Variants in GALNT18 observed in about 807,000 individuals in gnomAD.
GALNT18 encodes the protein polypeptide N-acetylgalactosaminyltransferase 18.
Under a neutral mutation model 69.5 loss-of-function variants are expected in GALNT18, and 44 were observed. The observed-to-expected ratio is 0.63, with a 90% CI of 0.50 to 0.81. GALNT18 has a LOEUF of 0.81. GALNT18 is among the 40% of genes least tolerant of loss of function. The pLI is 0.00. For missense variants in GALNT18, 715 were observed against 810.0 expected, an observed-to-expected ratio of 0.88 and a Z score of 1.42; for synonymous variants, 364 against 318.2, an observed-to-expected ratio of 1.14 and a Z score of -1.53.
chr11:11,407,643 G>A lies in GALNT18; in HGVS notation c.595+24978C>T, dbSNP rs34705364. 3.3e-5 allele frequency among the ~76,000 whole-genome samples: 5 copies of A among 152,306 alleles called. No individual in the cohort carries two copies. In the South Asian group the frequency reaches 1.0e-3, roughly 32 times the overall value. On this transcript the variant is annotated intron_variant, in intron 3 of 10. Coordinates refer to ENST00000227756, the MANE Select transcript of GALNT18 (RefSeq NM_198516.3). ...AGGAGAGGAGATATTCCCAGTAACC[G>A]TGTTATCCCAGACAGTCAGGAGGCA...
At chr11:11,537,098 G>T (rs1243722401) in intron 1 of GALNT18, among the ~76,000 whole-genome samples, 1 of 152,128 alleles carries the variant, frequency 6.6e-6, no homozygotes, top group Non-Finnish European at 1.5e-5. Context: ...GCTTTATCCA[G>T]ATCAACTCTG....
In GALNT18 at chr11:11,598,035, C is replaced by A. The variant is rs1370106970; in HGVS notation, c.235+23324G>T. On this transcript the variant is annotated intron_variant, in intron 1 of 10. Transcript: ENST00000227756. The surrounding 1 kb of genome is among the most constrained non-coding windows in gnomAD (Gnocchi z 4.8). ...CATTTTATTGACCTTTTCAAAGAAC[C>A]AACTTTTGGTTTTATTGATCTTCTC... Among the ~76,000 whole-genome samples, 4 of 152,028 alleles carry A rather than the reference C, an allele frequency of 2.6e-5. No homozygotes were observed. Among genetic ancestry groups the A allele is most frequent in the Non-Finnish European group, 5.9e-5 (4 of 68,014 alleles).
intron 6 of GALNT18, among the ~76,000 whole-genome samples, chr11:11,351,148 C>G (rs1271322395): frequency 6.6e-6 from 1 of 152,094 alleles, no homozygotes; most frequent in African/African-American, 2.4e-5. Flanking sequence ...AAGCAGTACC[C>G]CACTAGAGGC....
At chr11:11,609,028 T>A (rs1315345669) in intron 1 of GALNT18, among the ~76,000 whole-genome samples, 1 of 152,216 alleles carries the variant, frequency 6.6e-6, no homozygotes, top group Admixed American at 6.5e-5. Flanking sequence ...TCTTGTTTTG[T>A]CTTCTCAGCC....
intron 1 of GALNT18, among the ~76,000 whole-genome samples, chr11:11,574,983 T>C (rs920456742): frequency 6.6e-6 from 1 of 152,236 alleles, no homozygotes; most frequent in South Asian, 2.1e-4. Context: ...CAGGTTTCTT[T>C]AAGTATTTGG....
intron 1 of GALNT18, among the ~76,000 whole-genome samples, chr11:11,513,932 G>A (rs1020877356): frequency 2.6e-5 from 4 of 152,172 alleles, no homozygotes; most frequent in African/African-American, 7.2e-5. Flanking sequence ...AATGGGTCAC[G>A]GGTGGAAAAT....
intron 6 of GALNT18, among the ~76,000 whole-genome samples, chr11:11,367,615 A>T (rs978419949): frequency 6.6e-6 from 1 of 152,168 alleles, no homozygotes; most frequent in African/African-American, 2.4e-5. Flanking sequence ...CTGTGGTTGT[A>T]GTGGCATTCT....
At position 11,391,993 on chromosome 11, in the gene GALNT18, T is replaced by C. The variant is rs139265937; in HGVS notation, c.596-12729A>G. ...AATATGCATTGCAAGAATGAATGAGTGCATGAGTCATGTCTTGGCTCAACG... is the reference window on the plus strand; with the variant it reads ...AATATGCATTGCAAGAATGAATGAGCGCATGAGTCATGTCTTGGCTCAACG... On this transcript the variant is annotated intron_variant, in intron 3 of 10. Transcript: ENST00000227756. 5.1e-3 allele frequency among the ~76,000 whole-genome samples: 782 copies of C among 152,312 alleles called. 4 individuals carry two copies. The highest frequency in any genetic ancestry group is 0.017 in the African/African-American group (718 of 41,568).
intron 1 of GALNT18, among the ~76,000 whole-genome samples, chr11:11,467,729 A>C (rs189994761): frequency 6.6e-6 from 1 of 152,298 alleles, no homozygotes; most frequent in Non-Finnish European, 1.5e-5. Context: ...CTCAGGCCCA[A>C]CCCTGGTTGA....
chr11:11,362,667 A>C (rs1401108900), intron 6 of GALNT18, among the ~76,000 whole-genome samples: 1 of 152,186 alleles, frequency 6.6e-6, no homozygotes, highest in Non-Finnish European at 1.5e-5. Flanking sequence ...GGTTAAAAAA[A>C]ATATTCCACA....
At chr11:11,597,387 T>C (rs1859524633) in intron 1 of GALNT18, among the ~76,000 whole-genome samples, 3 of 152,176 alleles carry the variant, frequency 2.0e-5, no homozygotes, top group Admixed American at 2.0e-4. Context: ...AAATGTTTAG[T>C]AGAAGTTACC....
At position 11,497,327 on chromosome 11, in the gene GALNT18, A is replaced by ACACACACACACACAC. The variant is rs1856884058; in HGVS notation, c.236-48392_236-48391insGTGTGTGTGTGTGTG. On this transcript the variant is annotated intron_variant, in intron 1 of 10. Transcript: ENST00000227756. This position sits in a 1 kb window ranked among gnomAD's most constrained non-coding sequence, Gnocchi z 4.2. ...TATTTATGTTTTACCTCCTGTCTCC[A>ACACACACACACACAC]ACACACACACACACACACACACACA... Among the ~76,000 whole-genome samples the ACACACACACACACAC allele has an allele frequency of 2.3e-5, 3 of 132,230 alleles. No homozygotes were observed. The highest frequency in any genetic ancestry group is 2.3e-4 in the East Asian group (1 of 4,346). 86.7% of individuals were successfully genotyped at this position (132,230 alleles called of 152,430 possible).
intron 1 of GALNT18, among the ~76,000 whole-genome samples, chr11:11,503,007 G>A (rs187114381): frequency 2.0e-4 from 31 of 152,296 alleles, no homozygotes; most frequent in Admixed American, 2.0e-3. Flanking sequence ...ATGTACACCA[G>A]GCAAGCATCT....
intron 1 of GALNT18, among the ~76,000 whole-genome samples, chr11:11,570,572 G>C (rs1261639301): frequency 6.6e-6 from 1 of 152,210 alleles, no homozygotes; most frequent in Non-Finnish European, 1.5e-5. Context: ...CACCAAACCA[G>C]CTCTTCTTCC....
chr11:11,492,195 T>G (rs2133886691), intron 1 of GALNT18, among the ~76,000 whole-genome samples: 1 of 152,262 alleles, frequency 6.6e-6, no homozygotes, highest in Admixed American at 6.5e-5. Context: ...AGGCCACCAT[T>G]TCATCCAACA....
rs533179646 is a variant in GALNT18, at chr11:11,596,748, T to C, written c.235+24611A>G. On this transcript the variant is annotated intron_variant, in intron 1 of 10. Transcript: ENST00000227756. This position sits in a 1 kb window ranked among gnomAD's most constrained non-coding sequence, Gnocchi z 4.2. Reference sequence around the variant, plus strand: ...GAACTCACTTACTAGTTCTAACTGATTTTTAGTGGATTCCCTAGGATACAT... The same window carrying C: ...GAACTCACTTACTAGTTCTAACTGACTTTTAGTGGATTCCCTAGGATACAT... 9.2e-5 allele frequency among the ~76,000 whole-genome samples: 14 copies of C among 152,266 alleles called. No homozygotes were observed. Among genetic ancestry groups the C allele is most frequent in the Admixed American group, 5.9e-4 (9 of 15,292 alleles).
chr11:11,316,575 T>C (rs942779339), intron 9 of GALNT18, among the ~76,000 whole-genome samples: 16 of 152,230 alleles, frequency 1.1e-4, no homozygotes, highest in African/African-American at 3.9e-4. Flanking sequence ...TCCTGGAGCA[T>C]AAATGTGGCA....
chr11:11,495,196 A>G (rs78414786), intron 1 of GALNT18, among the ~76,000 whole-genome samples: 20,728 of 152,210 alleles, frequency 0.14, 1,799 homozygotes, highest in South Asian at 0.2. Context: ...TAGGTTTCCA[A>G]CTTTGTTTCC....
At chr11:11,279,561 A>G (rs1319973708) in intron 10 of GALNT18, among the ~76,000 whole-genome samples, 3 of 151,474 alleles carry the variant, frequency 2.0e-5, no homozygotes, top group Non-Finnish European at 4.4e-5. Flanking sequence ...TATTCATATA[A>G]TGGAAACCTA....
Sources: gnomAD v4.1 joint callset for allele counts (sites outside exome capture counted in the v4.1 genomes callset) on GRCh38, gnomAD v4.1.1 for gene constraint, Gnocchi (gnomAD v3.1) non-coding constraint, MANE v1.5 for transcripts, NCBI Gene and HGNC (gene_info 2026-07-23, HGNC 2026-07-21) for gene names.